FSIP2: variants seen among roughly 807,000 people sequenced by gnomAD.
The protein encoded by FSIP2 is fibrous sheath interacting protein 2.
In FSIP2, 367 loss-of-function variants were observed where a neutral mutation model predicts 510.5. That is an observed-to-expected ratio of 0.72 (90% CI 0.66 to 0.78). FSIP2 has a LOEUF of 0.78. FSIP2 is among the 30% of genes least tolerant of loss of function. The probability of loss-of-function intolerance (pLI) is 0.00; values close to 1 mark genes in which losing one functional copy is unlikely to be tolerated. For synonymous variants in FSIP2, 2,601 were observed against 2,732.2 expected (o/e 0.95, Z 1.50); for missense variants, 7,594 against 7,901.7 (o/e 0.96, Z 1.48).
Position 185,806,298 on chromosome 2 carries a change from G to A in FSIP2, c.16992G>A (p.Thr5664=), listed in dbSNP as rs745448519. 206 of 1,608,150 alleles carry A rather than the reference G, an allele frequency of 1.3e-4. No individual in the cohort carries two copies. Among genetic ancestry groups the A allele is most frequent in the Non-Finnish European group, 1.7e-4 (200 of 1,177,308 alleles). Residue 5664 remains threonine, a synonymous_variant, in exon 17 of 23, where the codon ACG becomes ACA. Coordinates refer to ENST00000424728, the MANE Select transcript of FSIP2 (RefSeq NM_173651.4). ...NEGRRDSPTQ[T]CRDEEHHSDY... ...GGAGAAGAGACTCTCCAACACAAAC[G>A]TGTAGGGATGAGGAACACCACTCAG...
In FSIP2 at chr2:185,833,097, C is replaced by A; in HGVS notation, c.20595C>A (p.Pro6865=). 1 of 1,609,954 alleles carries A rather than the reference C, an allele frequency of 6.2e-7. No homozygotes were observed. Among genetic ancestry groups the A allele is most frequent in the Non-Finnish European group, 8.5e-7 (1 of 1,177,744 alleles). ...NPSKEVISET[P]KPDVSKQGSK... is the part of the protein sequence containing the mutation. ...TGTTTACTTTGTCCACAGAAACTCC[C>A]AAGCCCGATGTCTCCAAACAAGGAT... The change falls in exon 23 of 23, where the codon CCC becomes CCA. Residue 6865 remains proline, a synonymous_variant. Coordinates refer to ENST00000424728, the MANE Select transcript of FSIP2 (RefSeq NM_173651.4).
At chr2:185,750,676 A>C (rs545880682) in intron 7 of FSIP2, among the ~76,000 whole-genome samples, 1 of 149,674 alleles carries the variant, frequency 6.7e-6, no homozygotes, top group East Asian at 2.0e-4. Context: ...TTTAGGTGGA[A>C]GTCATTAATT....
intron 16 of FSIP2, 134 bp from the exon 17 acceptor site, chr2:185,799,561 TTC>T (rs1693373968): frequency 4.6e-6 from 2 of 434,014 alleles, no homozygotes; most frequent in Non-Finnish European, 3.9e-6. Flanking sequence ...AAAATCTAAT[TTC>T]TTTTTTTGTT....
intron 13 of FSIP2, among the ~76,000 whole-genome samples, chr2:185,777,723 TTTC>T (rs1354819132): frequency 2.0e-5 from 3 of 152,096 alleles, no homozygotes; most frequent in East Asian, 3.9e-4. Context: ...ATCGTGTGTT[TTTC>T]TTCTTATACA....
chr2:185,750,849 T>C (rs1262511480), intron 7 of FSIP2, among the ~76,000 whole-genome samples: 2 of 151,562 alleles, frequency 1.3e-5, no homozygotes, highest in African/African-American at 4.8e-5. Context: ...GATTCATTGG[T>C]TACTTAAAAA....
rs777963955 is a variant in FSIP2, at chr2:185,828,219, C to T, written c.20517+20C>T. The T allele has an allele frequency of 7.1e-7, 1 of 1,398,880 alleles. No homozygotes were observed. Among genetic ancestry groups the T allele is most frequent in the Non-Finnish European group, 1.0e-6 (1 of 988,150 alleles). The allele number at this position is 1,398,880 out of a possible 1,614,324, so 86.7% of individuals were successfully genotyped here. A position where few individuals can be genotyped will look rare whatever the true frequency, so the allele number is the denominator to read the frequency against. Reference sequence around the variant, plus strand: ...GTTAAGGTAAGTATTTTTAACTAGCCTTAGTTGATATATATTAGGAGCTAG... The same window carrying T: ...GTTAAGGTAAGTATTTTTAACTAGCTTTAGTTGATATATATTAGGAGCTAG... On this transcript the variant is annotated intron_variant, in intron 21 of 22. Transcript: ENST00000424728.
At position 185,763,048 on chromosome 2, in the gene FSIP2, A is replaced by C. The variant is rs1692387683; in HGVS notation, c.1241-135A>C. On this transcript the variant is annotated intron_variant, in intron 11 of 22. Coordinates refer to ENST00000424728, the MANE Select transcript of FSIP2 (RefSeq NM_173651.4). ...GGAGATATTTCCTTGACTCAAATAA[A>C]TCCCTGATTGTGGCAATTCTAGTCA... 3.3e-5 allele frequency: 19 copies of C among 577,096 alleles called. No homozygotes were observed. The South Asian group carries it at 4.0e-4, about 12-fold the overall frequency. 35.7% of individuals were successfully genotyped at this position (577,096 alleles called of 1,614,324 possible).
In FSIP2 at chr2:185,806,345, T is replaced by C; in HGVS notation, c.17039T>C (p.Val5680Ala). The C allele has an allele frequency of 1.9e-6, 3 of 1,610,116 alleles. No homozygotes were observed. Among genetic ancestry groups the C allele is most frequent in the Non-Finnish European group, 2.5e-6 (3 of 1,177,974 alleles). The change falls in exon 17 of 23, where the codon GTC (valine) becomes GCC (alanine). Residue 5680 changes from valine (V) to alanine (A), a missense_variant. By Grantham distance (64) the Val-to-Ala change is moderately conservative. Coordinates refer to ENST00000424728, the MANE Select transcript of FSIP2 (RefSeq NM_173651.4). ...HHSDYEHVQN[V>A]IENIFEDVLE... The stretch of plus-strand genomic sequence containing the variant: ...TCAGATTATGAACATGTTCAAAATG[T>C]CATTGAAAATATTTTTGAAGATGTT...
In FSIP2 at chr2:185,791,912, A is replaced by C. The variant is rs1236122314; in HGVS notation, c.4776A>C (p.Lys1592Asn). 1 of 1,534,000 alleles carries C rather than the reference A, an allele frequency of 6.5e-7. No individual in the cohort carries two copies. The highest frequency in any genetic ancestry group is 8.7e-7 in the Non-Finnish European group (1 of 1,145,446). Residue 1592 changes from lysine (K) to asparagine (N), a missense_variant, in exon 16 of 23, where the codon AAA (lysine) becomes AAC (asparagine). Lys to Asn is a moderately conservative substitution (Grantham distance 94). Transcript: ENST00000424728. ...ASDILNMVFA[K>N]LEGFANGHLE... is the part of the protein sequence containing the mutation. ...ATATTCTTAATATGGTTTTTGCTAA[A>C]CTGGAAGGGTTTGCCAACGGACATT... is the stretch of plus-strand genomic sequence containing the variant.
chr2:185,820,083 C>G (rs1693886968), intron 19 of FSIP2, among the ~76,000 whole-genome samples: 1 of 151,866 alleles, frequency 6.6e-6, no homozygotes, highest in South Asian at 2.1e-4. Flanking sequence ...TGTCCCCACC[C>G]AAATCTCATC....
At chr2:185,756,434 C>T (rs1034084291) in intron 9 of FSIP2, among the ~76,000 whole-genome samples, 156 bp downstream of exon 9, 2 of 151,330 alleles carry the variant, frequency 1.3e-5, no homozygotes, top group Non-Finnish European at 3.0e-5. Flanking sequence ...AGCTATGTGG[C>T]CTTTATTGCT....
At chr2:185,768,025 A>G (rs1692530188) in intron 13 of FSIP2, among the ~76,000 whole-genome samples, 1 of 152,116 alleles carries the variant, frequency 6.6e-6, no homozygotes, top group Non-Finnish European at 1.5e-5. Context: ...AATCTTGCCA[A>G]TACTTGTTGT....
chr2:185,795,154 T>C lies in FSIP2; in HGVS notation c.8018T>C (p.Leu2673Ser). 1 of 1,534,856 alleles carries C rather than the reference T, an allele frequency of 6.5e-7. No homozygotes were observed. Among genetic ancestry groups the C allele is most frequent in the South Asian group, 1.2e-5 (1 of 84,030 alleles). The change falls in exon 16 of 23, where the codon TTG becomes TCG. Residue 2673 changes from leucine to serine, a missense_variant. Transcript: ENST00000424728. ...HLKTRSKITT[L>S]PKFTKKTHLG... ...AAAACAAGATCAAAAATTACCACTT[T>C]GCCTAAATTTACAAAAAAAACACAC...
rs1274460813 is a variant in FSIP2 at position 185,789,858 on chromosome 2, G to C, written c.2722G>C (p.Ala908Pro). ...QSSLVAYIEE[A>P]INAILGYIQT... Reference sequence around the variant, plus strand: ...TTCTTTGGTTGCTTATATAGAGGAAGCAATCAATGCTATACTAGGTTATAT... The same window carrying C: ...TTCTTTGGTTGCTTATATAGAGGAACCAATCAATGCTATACTAGGTTATAT... Residue 908 changes from alanine to proline, a missense_variant, in exon 16 of 23, where the codon GCA becomes CCA. Physicochemically the swap from Ala to Pro is conservative, Grantham distance 27. Transcript: ENST00000424728. The C allele has an allele frequency of 9.1e-6, 14 of 1,531,546 alleles. No individual in the cohort carries two copies. The African/African-American group carries it at 1.8e-4, about 20-fold the overall frequency. 94.9% of individuals were successfully genotyped at this position (1,531,546 alleles called of 1,614,324 possible).
intron 8 of FSIP2, among the ~76,000 whole-genome samples, chr2:185,755,806 G>A (rs1359108585): frequency 6.6e-6 from 1 of 151,500 alleles, no homozygotes; most frequent in Non-Finnish European, 1.5e-5. Context: ...GAATATATAT[G>A]TGCATTTGCT....
At position 185,795,507 on chromosome 2, in the gene FSIP2, G is replaced by C. The variant is rs908649635; in HGVS notation, c.8371G>C (p.Ala2791Pro). The C allele has an allele frequency of 6.5e-7, 1 of 1,534,696 alleles. No homozygotes were observed. Among genetic ancestry groups the C allele is most frequent in the Non-Finnish European group, 8.7e-7 (1 of 1,146,008 alleles). Residue 2791 changes from alanine (A) to proline (P), a missense_variant, in exon 16 of 23, where the codon GCT becomes CCT. Physicochemically the swap from Ala to Pro is conservative, Grantham distance 27 (BLOSUM62 -1). Transcript: ENST00000424728. ...ATATGTTACCAATAACTGCAATTTG[G>C]CTTACCCGATGAAATCCTCACATCT... ...ELYVTNNCNL[A>P]YPMKSSHLRL... is the part of the protein sequence containing the mutation.
intron 19 of FSIP2, among the ~76,000 whole-genome samples, chr2:185,824,134 T>C (rs1450192119): frequency 2.0e-5 from 3 of 151,772 alleles, no homozygotes; most frequent in Admixed American, 6.6e-5. Flanking sequence ...TTGGGAAAGA[T>C]GAAAAAAGTT....
At chr2:185,752,517 T>A (rs190834351) in intron 7 of FSIP2, among the ~76,000 whole-genome samples, 1 of 151,494 alleles carries the variant, frequency 6.6e-6, no homozygotes, top group African/African-American at 2.4e-5. Flanking sequence ...ATTTATTTTA[T>A]CTTTTCTCTC....
chr2:185,807,332 C>T lies in FSIP2; in HGVS notation c.18026C>T (p.Pro6009Leu). ...TCATCACCATATACAATAATATTACCTCATAAATTTTTGGAGAATGTGATT... is the reference window on the plus strand; with the variant it reads ...TCATCACCATATACAATAATATTACTTCATAAATTTTTGGAGAATGTGATT... Reference protein sequence around the residue: ...QTSSPYTIILPHKFLENVISA... With the variant: ...QTSSPYTIILLHKFLENVISA... The change falls in exon 17 of 23, where the codon CCT (proline) becomes CTT (leucine). Residue 6009 changes from proline (P) to leucine (L), a missense_variant. Pro to Leu is a moderately conservative substitution (Grantham distance 98). Transcript: ENST00000424728. 6.2e-7 allele frequency: 1 copy of T among 1,611,360 alleles called. No individual in the cohort carries two copies. Among genetic ancestry groups the T allele is most frequent in the Non-Finnish European group, 8.5e-7 (1 of 1,178,928 alleles).
Sources: allele counts gnomAD v4.1 joint callset (sites outside exome capture counted in the v4.1 genomes callset), GRCh38; gene constraint gnomAD v4.1.1; transcripts MANE v1.5; gene names NCBI Gene and HGNC (gene_info 2026-07-23, HGNC 2026-07-21).